The following PCLO variants were observed in gnomAD, a reference collection of about 807,000 sequenced individuals.
PCLO encodes the protein piccolo presynaptic cytomatrix protein.
In PCLO, 82 loss-of-function variants were observed where a neutral mutation model predicts 427.5. The ratio of observed to expected loss-of-function variants is 0.19; its 90% CI spans 0.16 to 0.23. PCLO has a LOEUF of 0.23. Among genes scored for constraint, PCLO ranks in the 10% least tolerant of loss-of-function variants. The pLI is 1.00. For synonymous variants in PCLO, 2,357 were observed against 2,155.4 expected, an observed-to-expected ratio of 1.09 and a Z score of -2.59; for missense variants, 6,239 against 6,115.9, an observed-to-expected ratio of 1.02 and a Z score of -0.67.
At chr7:82,910,525 A>G (rs939447228) in intron 7 of PCLO, among the ~76,000 whole-genome samples, 3 of 152,110 alleles carry the variant, frequency 2.0e-5, no homozygotes, top group African/African-American at 7.2e-5. Context: ...ACCTATTCTA[A>G]GCTGCTTAAA....
intron 3 of PCLO, among the ~76,000 whole-genome samples, chr7:83,047,124 G>T (rs969082599): frequency 6.6e-6 from 1 of 151,962 alleles, no homozygotes; most frequent in African/African-American, 2.4e-5. Context: ...GCAAGGCAAA[G>T]AATGTTTCTT....
At position 82,915,506 on chromosome 7, in the gene PCLO, T is replaced by C; in HGVS notation, c.12480A>G (p.Lys4160=). Residue 4160 remains lysine, a synonymous_variant, in exon 7 of 25, where the codon AAA becomes AAG. Coordinates refer to ENST00000333891, the MANE Select transcript of PCLO (RefSeq NM_033026.6). ...HADTSYRHFP[K]SEKYSISRLT... is the part of the protein sequence containing the mutation. ...GTCTACTGATGCTATACTTCTCAGA[T>C]TTTGGAAAATGTCTGTAGCTAGTAT... The C allele has an allele frequency of 1.2e-6, 2 of 1,613,732 alleles. No homozygotes were observed. Among genetic ancestry groups the C allele is most frequent in the Non-Finnish European group, 1.7e-6 (2 of 1,179,710 alleles).
Position 83,134,305 on chromosome 7 carries a change from C to G in PCLO, c.3245G>C (p.Cys1082Ser). 2.5e-6 allele frequency: 4 copies of G among 1,593,348 alleles called. No homozygotes were observed. Among genetic ancestry groups the G allele is most frequent in the Non-Finnish European group, 3.4e-6 (4 of 1,169,712 alleles). ...DPPNFNTCTE[C>S]KNQVCNLCGF... ...ACAGAGATTACACACTTGATTCTTG[C>G]ATTCAGTGCAAGTATTGAAGTTAGG... Residue 1082 changes from cysteine to serine, a missense_variant, in exon 3 of 25, where the codon TGC becomes TCC. By Grantham distance (112) the Cys-to-Ser change is moderately radical. Around this residue, in one of 5 missense-constraint regions of PCLO, gnomAD observed 4,677 missense variants for 4,468.4 expected, o/e 1.05. Transcript: ENST00000333891.
intron 20 of PCLO, 46 bp from the exon 21 acceptor site, chr7:82,805,875 T>C: frequency 1.3e-6 from 2 of 1,552,292 alleles, no homozygotes; most frequent in East Asian, 2.4e-5. Flanking sequence ...TAAATGAAGC[T>C]GACATTGATC....
chr7:83,109,692 A>C (rs1445903884), intron 3 of PCLO, among the ~76,000 whole-genome samples: 1 of 152,166 alleles, frequency 6.6e-6, no homozygotes, highest in Non-Finnish European at 1.5e-5. Context: ...TATTTTTAAA[A>C]GACTAAAGAC....
Position 82,888,362 on chromosome 7 carries a change from A to G in PCLO, c.13529-8900T>C, listed in dbSNP as rs371055869. Among the ~76,000 whole-genome samples the G allele has an allele frequency of 3.3e-5, 5 of 152,302 alleles. No homozygotes were observed. The South Asian group carries it at 6.2e-4, about 19-fold the overall frequency. ...TGAAAAAAATTAGTTTTCTAATAAAATGTTCATATAATTGATATTGGAGAA... is the reference window on the plus strand; with the variant it reads ...TGAAAAAAATTAGTTTTCTAATAAAGTGTTCATATAATTGATATTGGAGAA... On this transcript the variant is annotated intron_variant, in intron 9 of 24. Transcript: ENST00000333891.
At chr7:82,842,506 C>G (rs116091725) in intron 13 of PCLO, among the ~76,000 whole-genome samples, 1 of 151,844 alleles carries the variant, frequency 6.6e-6, no homozygotes, top group Non-Finnish European at 1.5e-5. Flanking sequence ...GAGATGACTC[C>G]GAAAGCACAG....
Position 82,902,744 on chromosome 7 carries a change from A to G in PCLO, c.13438-3T>C. 1 of 1,506,298 alleles carries G rather than the reference A, an allele frequency of 6.6e-7. No individual in the cohort carries two copies. Among genetic ancestry groups the G allele is most frequent in the South Asian group, 1.1e-5 (1 of 88,692 alleles). 93.3% of individuals were successfully genotyped at this position (1,506,298 alleles called of 1,614,324 possible). The stretch of plus-strand genomic sequence containing the variant: ...GTTTTCCCGTTCATCTGTATAATCT[A>G]AGACATACATGTAGTAAGGTAAAAA... On this transcript the variant is annotated splice_region_variant and splice_polypyrimidine_tract_variant and intron_variant, in intron 8 of 24. Transcript: ENST00000333891.
chr7:82,964,814 C>T (rs375145969), intron 4 of PCLO, among the ~76,000 whole-genome samples: 2 of 152,212 alleles, frequency 1.3e-5, no homozygotes, highest in African/African-American at 2.4e-5. Context: ...CCAGGATTTA[C>T]TTAGACAATG....
intron 9 of PCLO, among the ~76,000 whole-genome samples, chr7:82,893,233 C>CT (rs1447837092): frequency 6.6e-6 from 1 of 151,762 alleles, no homozygotes; most frequent in Non-Finnish European, 1.5e-5. Flanking sequence ...CCATGGAATA[C>CT]TATGCAGCCA....
At chr7:83,024,141 C>A (rs1208187203) in intron 3 of PCLO, among the ~76,000 whole-genome samples, 1 of 152,288 alleles carries the variant, frequency 6.6e-6, no homozygotes, top group South Asian at 2.1e-4. Flanking sequence ...TCTACAGCTC[C>A]CAGCGTGAGC....
At chr7:82,948,451 C>T (rs1339061520) in intron 6 of PCLO, among the ~76,000 whole-genome samples, 1 of 152,144 alleles carries the variant, frequency 6.6e-6, no homozygotes, top group Admixed American at 6.5e-5. Context: ...GTGTTTAACA[C>T]ATATGGGTCA....
rs1229421075 is a variant in PCLO at position 83,069,789 on chromosome 7, AC to A, written c.3300+64460del. Among the ~76,000 whole-genome samples the A allele has an allele frequency of 2.5e-4, 11 of 44,210 alleles. 1 individual carries two copies. Among genetic ancestry groups the A allele is most frequent in the African/African-American group, 6.3e-4 (7 of 11,140 alleles). 29.0% of individuals were successfully genotyped at this position (44,210 alleles called of 152,430 possible). ...AAAGATTCTCCACCTCCCCCACCCCACCCCCCCGCCCACACACACACACACA... is the reference window on the plus strand; with the variant it reads ...AAAGATTCTCCACCTCCCCCACCCCACCCCCCGCCCACACACACACACACA... On this transcript the variant is annotated intron_variant, in intron 3 of 24. Transcript: ENST00000333891.
intron 22 of PCLO, among the ~76,000 whole-genome samples, chr7:82,767,247 G>T (rs780369523): frequency 2.6e-5 from 4 of 152,080 alleles, no homozygotes; most frequent in Non-Finnish European, 4.4e-5. Context: ...CAGCCTTCAG[G>T]TCTCCTGGCG....
Position 82,963,754 on chromosome 7 carries a change from T to A in PCLO, c.4017+2017A>T, listed in dbSNP as rs577343788. Among the ~76,000 whole-genome samples the A allele has an allele frequency of 8.5e-5, 13 of 152,228 alleles. No individual in the cohort carries two copies. In the East Asian group the frequency reaches 2.5e-3, roughly 29 times the overall value. On this transcript the variant is annotated intron_variant, in intron 4 of 24. Transcript: ENST00000333891. ...TTTACTATCTGCATTTAAATAAATA[T>A]AATAACAATGGTAATTTTAGTTTAT...
At chr7:82,821,737 C>T (rs1441324575) in intron 20 of PCLO, 1 of 983,776 alleles carries the variant, frequency 1.0e-6, no homozygotes, top group Non-Finnish European at 1.2e-6. Context: ...TCTGTAAAAT[C>T]TGTCATCACA....
At chr7:82,921,550 G>C (rs998006089) in intron 6 of PCLO, among the ~76,000 whole-genome samples, 3 of 151,906 alleles carry the variant, frequency 2.0e-5, no homozygotes, top group African/African-American at 7.2e-5. Flanking sequence ...ACATGCCAAA[G>C]ATTGAAACTG....
intron 3 of PCLO, among the ~76,000 whole-genome samples, chr7:83,116,297 T>C (rs1251926054): frequency 6.6e-6 from 1 of 152,096 alleles, no homozygotes; most frequent in African/African-American, 2.4e-5. Context: ...TACTAACATT[T>C]TAATAACGTG....
rs372805423 is a variant in PCLO, at chr7:83,156,302, A to C, written c.339T>G (p.Ser113Arg). Residue 113 changes from serine (S) to arginine (R), a missense_variant, in exon 2 of 25, where the codon AGT (serine) becomes AGG (arginine). Ser to Arg is a moderately radical substitution (Grantham distance 110, BLOSUM62 -1). This residue lies in a region of PCLO where 4,677 missense variants were observed against 4,468.4 expected (regional missense o/e 1.05). Coordinates refer to ENST00000333891, the MANE Select transcript of PCLO (RefSeq NM_033026.6). Reference sequence around the variant, plus strand: ...CTGACCTGAAAGTGTCTGTAGTTCTACTTTTACTGAGACCAGGTTGAGCTG... The same window carrying C: ...CTGACCTGAAAGTGTCTGTAGTTCTCCTTTTACTGAGACCAGGTTGAGCTG... ...GRPAQPGLSK[S>R]RTTDTFRSEQ... The C allele has an allele frequency of 6.2e-7, 1 of 1,612,944 alleles. No individual in the cohort carries two copies. The highest frequency in any genetic ancestry group is 8.5e-7 in the Non-Finnish European group (1 of 1,179,584).
Sources: allele counts gnomAD v4.1 joint callset (sites outside exome capture counted in the v4.1 genomes callset), GRCh38; gene constraint gnomAD v4.1.1; regional missense constraint gnomAD v4.1.1; transcripts MANE v1.5; gene names NCBI Gene and HGNC (gene_info 2026-07-23, HGNC 2026-07-21).